DHX37: variants seen among roughly 807,000 people sequenced by gnomAD.
DHX37 encodes probable ATP-dependent RNA helicase DHX37.
DHX37 carries 52 observed loss-of-function variants against 134.3 expected under a neutral mutation model. The ratio of observed to expected loss-of-function variants is 0.39; its 90% CI spans 0.31 to 0.49. The LOEUF is 0.49. Among genes scored for constraint, DHX37 ranks in the 20% least tolerant of loss-of-function variants. The pLI, the probability that DHX37 is intolerant of heterozygous loss-of-function variation, is 0.93. For missense variants in DHX37, 1,344 were observed against 1,580.8 expected, an observed-to-expected ratio of 0.85 and a Z score of 2.54; for synonymous variants, 634 against 670.7, an observed-to-expected ratio of 0.95 and a Z score of 0.85.
At chr12:124,950,322 C>T (rs1594470521) in intron 23 of DHX37, 79 bp from the exon 24 acceptor site, 1 of 1,604,506 alleles carries the variant, frequency 6.2e-7, no homozygotes, top group African/African-American at 1.3e-5. Flanking sequence ...ACCCGAGACA[C>T]ACACGTCCGG....
At chr12:124,968,218 G>C (rs757720201) in intron 10 of DHX37, among the ~76,000 whole-genome samples, 3 of 152,120 alleles carry the variant, frequency 2.0e-5, no homozygotes, top group Non-Finnish European at 4.4e-5. Context: ...CGTGACTCTT[G>C]GGGGGATGTG....
rs774221061 is a variant in DHX37 at position 124,953,867 on chromosome 12, C to A, written c.2695+13G>T. On this transcript the variant is annotated intron_variant, in intron 20 of 26. Transcript: ENST00000308736. The stretch of plus-strand genomic sequence containing the variant: ...CCCGCCGGGTGCAGCGGCGTGCCGG[C>A]ACGGGGCCGTACCTGCGGTGGTCAG... The A allele has an allele frequency of 6.2e-7, 1 of 1,608,620 alleles. No homozygotes were observed.
chr12:124,957,273 G>T, intron 16 of DHX37, 138 bp from the exon 17 acceptor site: 1 of 687,752 alleles, frequency 1.5e-6, no homozygotes, highest in Non-Finnish European at 2.1e-6. Flanking sequence ...CAGGGGCCTG[G>T]GGCACTCTCA....
At position 124,973,638 on chromosome 12, in the gene DHX37, C is replaced by CTTTTTTTTTTTTT. The variant is rs71092252; in HGVS notation, c.981-1052_981-1040dup. 3.9e-5 allele frequency among the ~76,000 whole-genome samples: 4 copies of CTTTTTTTTTTTTT among 102,874 alleles called. 1 individual carries two copies. Among genetic ancestry groups the CTTTTTTTTTTTTT allele is most frequent in the Non-Finnish European group, 3.7e-5 (2 of 53,758 alleles). The allele number at this position is 102,874 out of a possible 152,430, so 67.5% of individuals were successfully genotyped here. A position where few individuals can be genotyped will look rare whatever the true frequency, so the allele number is the denominator to read the frequency against. On this transcript the variant is annotated intron_variant, in intron 6 of 26. Coordinates refer to ENST00000308736, the MANE Select transcript of DHX37 (RefSeq NM_032656.4). ...TTATGTATATGCGCCCCCCCCAACG[C>CTTTTTTTTTTTTT]TTTTTTTTTTTTTTTTTTTTGAGAT...
In DHX37 at chr12:124,950,050, T is replaced by C. The variant is rs781083209; in HGVS notation, c.3226A>G (p.Lys1076Glu). 6.2e-7 allele frequency: 1 copy of C among 1,613,594 alleles called. No individual in the cohort carries two copies. The highest frequency in any genetic ancestry group is 2.2e-5 in the East Asian group (1 of 44,866). The stretch of plus-strand genomic sequence containing the variant: ...AGACAGCTCCGGTATGAGGCCAGCT[T>C]GCGGAAGACCTGATGAGAGACCACA... ...RFLLEGQVFR[K>E]LASYRSCLLS... The change falls in exon 25 of 27, where the codon AAG (lysine) becomes GAG (glutamate). Residue 1076 changes from lysine (K) to glutamate (E), a missense_variant. Physicochemically the swap from Lys to Glu is moderately conservative, Grantham distance 56. Coordinates refer to ENST00000308736, the MANE Select transcript of DHX37 (RefSeq NM_032656.4).
At chr12:124,960,560 C>T (rs1033852714) in intron 15 of DHX37, 137 bp from the exon 16 acceptor site, 12 of 1,408,666 alleles carry the variant, frequency 8.5e-6, no homozygotes, top group African/African-American at 2.9e-5. Context: ...CACCTGACAG[C>T]AGGCACGGTG....
Position 124,949,525 on chromosome 12 carries a change from C to T in DHX37, c.3290+461G>A, listed in dbSNP as rs1953932532. ...AGGGCAGGATGCCTCCCACTGACACCTGGCGGCTCTGTGGGAGCTGCCCAG... is the reference window on the plus strand; with the variant it reads ...AGGGCAGGATGCCTCCCACTGACACTTGGCGGCTCTGTGGGAGCTGCCCAG... On this transcript the variant is annotated intron_variant, in intron 25 of 26. Coordinates refer to ENST00000308736, the MANE Select transcript of DHX37 (RefSeq NM_032656.4). The surrounding 1 kb of genome is among the most constrained non-coding windows in gnomAD (Gnocchi z 4.0). Among the ~76,000 whole-genome samples the T allele has an allele frequency of 6.6e-6, 1 of 152,174 alleles. No homozygotes were observed. Among genetic ancestry groups the T allele is most frequent in the Admixed American group, 6.5e-5 (1 of 15,286 alleles).
Position 124,948,108 on chromosome 12 carries a change from C to A in DHX37, c.3364G>T (p.Ala1122Ser). 1 of 1,614,242 alleles carries A rather than the reference C, an allele frequency of 6.2e-7. No homozygotes were observed. ...EKADCHEALLAAWKKNPKYLL... is the reference protein window; with the variant it reads ...EKADCHEALLSAWKKNPKYLL... The stretch of plus-strand genomic sequence containing the variant: ...CATTTGGGGTTTTTCTTCCAAGCAG[C>A]CAGCAAGGCTTCATGGCAGTCAGCC... Residue 1122 changes from alanine to serine, a missense_variant, in exon 26 of 27, where the codon GCT becomes TCT. By Grantham distance (99) the Ala-to-Ser change is moderately conservative (BLOSUM62 1). Around this residue, in one of 7 missense-constraint regions of DHX37, gnomAD observed 558 missense variants for 650.0 expected, o/e 0.86. Coordinates refer to ENST00000308736, the MANE Select transcript of DHX37 (RefSeq NM_032656.4).
In DHX37 at chr12:124,963,638, G is replaced by A. The variant is rs371883642; in HGVS notation, c.2045+756C>T. ...TGATCCCAACACTTTGGGAGGCCGA[G>A]GCGGGTGGATCACGAGGTCAGGAGA... On this transcript the variant is annotated intron_variant, in intron 15 of 26. Transcript: ENST00000308736. Among the ~76,000 whole-genome samples the A allele has an allele frequency of 4.6e-5, 7 of 151,900 alleles. 2 individuals are homozygous for A.
rs1455918835 is a variant in DHX37 at position 124,977,493 on chromosome 12, G to A, written c.739-3C>T. 1.9e-6 allele frequency: 3 copies of A among 1,587,970 alleles called. No homozygotes were observed. The highest frequency in any genetic ancestry group is 2.6e-6 in the Non-Finnish European group (3 of 1,169,812). ...ATTGGGAGCTTCAGCCGTTCCTCCT[G>A]GAAGGAGAGGAAGTCAGCACTTAGG... On this transcript the variant is annotated splice_region_variant and splice_polypyrimidine_tract_variant and intron_variant, in intron 4 of 26. Coordinates refer to ENST00000308736, the MANE Select transcript of DHX37 (RefSeq NM_032656.4).
At chr12:124,967,936 G>A (rs982316240) in intron 10 of DHX37, among the ~76,000 whole-genome samples, 5 of 152,088 alleles carry the variant, frequency 3.3e-5, no homozygotes, top group Non-Finnish European at 7.4e-5. Context: ...AGGCGTGGCA[G>A]TGTGCGACCA....
Position 124,949,374 on chromosome 12 carries a change from G to A in DHX37, c.3290+612C>T, listed in dbSNP as rs573830610. 5.3e-5 allele frequency among the ~76,000 whole-genome samples: 8 copies of A among 152,316 alleles called. No homozygotes were observed. Among genetic ancestry groups the A allele is most frequent in the African/African-American group, 1.9e-4 (8 of 41,578 alleles). ...CCCAGGAAGGGGGAGGTGTCTGTGG[G>A]TCTGGACCACAGGCAGGAGGAGAGC... On this transcript the variant is annotated intron_variant, in intron 25 of 26. Coordinates refer to ENST00000308736, the MANE Select transcript of DHX37 (RefSeq NM_032656.4). This position sits in a 1 kb window ranked among gnomAD's most constrained non-coding sequence, Gnocchi z 4.0.
intron 2 of DHX37, 141 bp downstream of exon 2, chr12:124,985,955 C>T: frequency 3.1e-6 from 3 of 979,540 alleles, no homozygotes; most frequent in Non-Finnish European, 4.5e-6. Flanking sequence ...GTGGCTACCG[C>T]ACTGGACCAT....
At position 124,980,560 on chromosome 12, in the gene DHX37, G is replaced by A; in HGVS notation, c.668C>T (p.Ala223Val). 1 of 1,612,070 alleles carries A rather than the reference G, an allele frequency of 6.2e-7. No homozygotes were observed. The highest frequency in any genetic ancestry group is 2.2e-5 in the East Asian group (1 of 44,860). ...GMTVPPPPAA[A>V]PPLPRALAKP... ...AGCCAGGGCCCTGGGCAGTGGTGGGGCTGCAGCTGGAGGAGGAGGAACAGT... is the reference window on the plus strand; with the variant it reads ...AGCCAGGGCCCTGGGCAGTGGTGGGACTGCAGCTGGAGGAGGAGGAACAGT... The change falls in exon 4 of 27, where the codon GCC becomes GTC. Residue 223 changes from alanine (A) to valine (V), a missense_variant. Physicochemically the swap from Ala to Val is moderately conservative, Grantham distance 64. Coordinates refer to ENST00000308736, the MANE Select transcript of DHX37 (RefSeq NM_032656.4). The surrounding 1 kb of genome is among the most constrained non-coding windows in gnomAD (Gnocchi z 5.3).
rs543805666 is a variant in DHX37 at position 124,977,573 on chromosome 12, A to G, written c.739-83T>C. On this transcript the variant is annotated intron_variant, in intron 4 of 26. Transcript: ENST00000308736. The stretch of plus-strand genomic sequence containing the variant: ...CCTCCAGGAAGGTGGCAGCTGACAC[A>G]TGGGTGCTGAACAGATGTGCCTGCT... The G allele has an allele frequency of 2.1e-4, 301 of 1,450,684 alleles. 4 individuals carry two copies. In the South Asian group the frequency reaches 3.0e-3, roughly 14 times the overall value. The allele number at this position is 1,450,684 out of a possible 1,614,324, so 89.9% of individuals were successfully genotyped here. A position where few individuals can be genotyped will look rare whatever the true frequency, so the allele number is the denominator to read the frequency against.
intron 15 of DHX37, among the ~76,000 whole-genome samples, chr12:124,961,636 C>T (rs1954267625): frequency 6.6e-6 from 1 of 152,270 alleles, no homozygotes; most frequent in Admixed American, 6.5e-5. Flanking sequence ...ACTATGTTGG[C>T]CAGGCTGGTC....
At chr12:124,982,317 T>C (rs1025175299) in intron 3 of DHX37, among the ~76,000 whole-genome samples, 194 bp downstream of exon 3, 1 of 152,144 alleles carries the variant, frequency 6.6e-6, no homozygotes, top group Non-Finnish European at 1.5e-5. Flanking sequence ...GTCCTGTGTG[T>C]CGCAGAAGGT....
chr12:124,966,783 C>T lies in DHX37; in HGVS notation c.1590+10G>A. The T allele has an allele frequency of 6.2e-7, 1 of 1,614,242 alleles. No individual in the cohort carries two copies. The highest frequency in any genetic ancestry group is 8.5e-7 in the Non-Finnish European group (1 of 1,180,026). On this transcript the variant is annotated intron_variant, in intron 12 of 26. Coordinates refer to ENST00000308736, the MANE Select transcript of DHX37 (RefSeq NM_032656.4). ...TACTCTCCAGGAGTCCCTGCCAGCC[C>T]CCCACGTACCTCAGCCCGCGCCTTC...
Position 124,968,598 on chromosome 12 carries a change from C to T in DHX37, c.1344G>A (p.Pro448=), listed in dbSNP as rs778393160. 60 of 1,614,008 alleles carry T rather than the reference C, an allele frequency of 3.7e-5. 1 individual carries two copies. Among genetic ancestry groups the T allele is most frequent in the South Asian group, 3.4e-4 (31 of 91,088 alleles). Residue 448 remains proline (P), a synonymous_variant, in exon 10 of 27, where the codon CCG becomes CCA. Transcript: ENST00000308736. ...PVTVHFNKRT[P]LEDYSGECFR... is the part of the protein sequence containing the mutation. ...AGCACTCGCCACTGTAGTCTTCCAG[C>T]GGTGTCCGCTTGTTGAAATGCACAG...
Sources: gnomAD v4.1 joint callset for allele counts (sites outside exome capture counted in the v4.1 genomes callset) on GRCh38, gnomAD v4.1.1 for gene constraint, gnomAD v4.1.1 regional missense constraint, Gnocchi (gnomAD v3.1) non-coding constraint, MANE v1.5 for transcripts, NCBI Gene and HGNC (gene_info 2026-07-23, HGNC 2026-07-21) for gene names.